CTNNA3: variants seen among roughly 807,000 people sequenced by gnomAD.
CTNNA3 encodes catenin alpha-3.
Under a neutral mutation model 95.7 loss-of-function variants are expected in CTNNA3, and 76 were observed. The ratio of observed to expected loss-of-function variants is 0.79; its 90% CI spans 0.66 to 0.96. The LOEUF is 0.96. Ranked by LOEUF, CTNNA3 falls within the 40% of genes least tolerant of loss-of-function variation. The pLI is 0.00. For synonymous variants in CTNNA3, 431 were observed against 374.4 expected (o/e 1.15, Z -1.74); for missense variants, 1,191 against 1,089.8 (o/e 1.09, Z -1.31).
At chr10:67,128,093 T>C (rs902512458) in intron 7 of CTNNA3, among the ~76,000 whole-genome samples, 1 of 152,128 alleles carries the variant, frequency 6.6e-6, no homozygotes, top group African/African-American at 2.4e-5. Flanking sequence ...ATCTAATTAA[T>C]GTTCAAGTTT....
At chr10:66,796,321 G>A (rs1238933212) in intron 7 of CTNNA3, among the ~76,000 whole-genome samples, 1 of 151,998 alleles carries the variant, frequency 6.6e-6, no homozygotes, top group Non-Finnish European at 1.5e-5. Flanking sequence ...CTGTGTCTCA[G>A]GGAACAGCAA....
intron 5 of CTNNA3, among the ~76,000 whole-genome samples, chr10:67,510,947 T>C (rs1298161235): frequency 6.6e-6 from 1 of 152,206 alleles, no homozygotes; most frequent in Non-Finnish European, 1.5e-5. Flanking sequence ...TTATTCTCTT[T>C]GTAGTAATTG....
intron 13 of CTNNA3, among the ~76,000 whole-genome samples, chr10:66,197,885 T>A (rs147621902): frequency 7.4e-4 from 113 of 152,080 alleles, no homozygotes; most frequent in African/African-American, 2.6e-3. Flanking sequence ...AAAATAAAAA[T>A]TTCAATTCAG....
At chr10:67,018,445 T>C (rs1440760490) in intron 7 of CTNNA3, among the ~76,000 whole-genome samples, 2 of 152,254 alleles carry the variant, frequency 1.3e-5, no homozygotes, top group Non-Finnish European at 2.9e-5. Context: ...ATTTCTAGTA[T>C]GTTACATGAT....
intron 3 of CTNNA3, among the ~76,000 whole-genome samples, chr10:67,555,469 C>T (rs1442216296): frequency 2.0e-5 from 3 of 152,188 alleles, no homozygotes; most frequent in African/African-American, 7.2e-5. Context: ...AGATCCTTCA[C>T]ATATCTTGTA....
intron 9 of CTNNA3, among the ~76,000 whole-genome samples, chr10:66,632,458 G>A (rs7086853): frequency 0.33 from 50,001 of 150,716 alleles, 8,572 homozygotes; most frequent in Middle Eastern, 0.49. Context: ...GGGAGGCCGA[G>A]GCAGGAGAAT....
At chr10:67,308,918 T>C (rs1840669293) in intron 5 of CTNNA3, among the ~76,000 whole-genome samples, 2 of 152,192 alleles carry the variant, frequency 1.3e-5, no homozygotes, top group African/African-American at 4.8e-5. Context: ...TAGTGAATTT[T>C]AATTCTCAAA....
At chr10:67,304,629 T>G (rs1259341168) in intron 5 of CTNNA3, among the ~76,000 whole-genome samples, 1 of 152,158 alleles carries the variant, frequency 6.6e-6, no homozygotes, top group African/African-American at 2.4e-5. Context: ...AAGGTGTATC[T>G]TTTGAGGTGT....
chr10:65,912,826 A>C lies in CTNNA3; in HGVS notation c.*7504T>G, dbSNP rs2076960287. ...ATTTCTGGATAAATATTTCATTTTTATTGATTGGCAAAAATACTTTAAGGA... is the reference window on the plus strand; with the variant it reads ...ATTTCTGGATAAATATTTCATTTTTCTTGATTGGCAAAAATACTTTAAGGA... On this transcript the variant is annotated 3_prime_UTR_variant, in exon 18 of 18. Transcript: ENST00000433211. 6.6e-6 allele frequency: 1 copy of C among 152,154 alleles called. No homozygotes were observed. Among genetic ancestry groups the C allele is most frequent in the Non-Finnish European group, 1.5e-5 (1 of 68,012 alleles). 9.4% of individuals were successfully genotyped at this position (152,154 alleles called of 1,614,324 possible).
chr10:67,237,807 T>C (rs1865560121), intron 5 of CTNNA3, among the ~76,000 whole-genome samples: 2 of 152,160 alleles, frequency 1.3e-5, no homozygotes, highest in Non-Finnish European at 2.9e-5. Flanking sequence ...CAGATGTGTA[T>C]TTACAAAGAT....
At chr10:66,845,724 A>ATAAATAAATAAATAAAT in intron 7 of CTNNA3, among the ~76,000 whole-genome samples, 1 of 120,248 alleles carries the variant, frequency 8.3e-6, no homozygotes, top group African/African-American at 3.2e-5. Context: ...AAAAAAAAAA[A>ATAAATAAATAAATAAAT]AAAAACTAAA....
At chr10:67,134,307 T>C (rs768985335) in intron 7 of CTNNA3, among the ~76,000 whole-genome samples, 3 of 152,060 alleles carry the variant, frequency 2.0e-5, no homozygotes, top group South Asian at 2.1e-4. Flanking sequence ...TCCATAATCA[T>C]TGAAAAATGT....
intron 3 of CTNNA3, among the ~76,000 whole-genome samples, chr10:67,585,097 C>A (rs895032354): frequency 1.3e-5 from 2 of 152,216 alleles, no homozygotes; most frequent in African/African-American, 4.8e-5. Context: ...TGAGACGAAC[C>A]TGGTACCTCA....
chr10:67,355,851 G>A (rs1368533377), intron 5 of CTNNA3, among the ~76,000 whole-genome samples: 1 of 151,868 alleles, frequency 6.6e-6, no homozygotes, highest in African/African-American at 2.4e-5. Context: ...TAGTACATAT[G>A]CATAATTCAT....
intron 12 of CTNNA3, among the ~76,000 whole-genome samples, chr10:66,366,449 A>T (rs139382537): frequency 3.6e-4 from 55 of 152,296 alleles, no homozygotes; most frequent in African/African-American, 1.3e-3. Flanking sequence ...TCGCCAATGC[A>T]ATAGTAGTAA....
intron 11 of CTNNA3, among the ~76,000 whole-genome samples, chr10:66,436,014 A>G (rs1040408973): frequency 6.6e-6 from 1 of 152,076 alleles, no homozygotes; most frequent in African/African-American, 2.4e-5. Flanking sequence ...CTGAGTTCTA[A>G]TTTGATTGCA....
Position 67,045,515 on chromosome 10 carries a change from C to T in CTNNA3, c.1047+134802G>A, listed in dbSNP as rs184674805. On this transcript the variant is annotated intron_variant, in intron 7 of 17. Transcript: ENST00000433211. ...TCGCGGCGAGGGAACTGTTCTGCTA[C>T]GTAGGAAACCCCGACCCAGAAGCAG... Among the ~76,000 whole-genome samples the T allele has an allele frequency of 6.9e-3, 1,054 of 152,220 alleles. 16 individuals are homozygous for T. Among genetic ancestry groups the T allele is most frequent in the African/African-American group, 0.024 (1,014 of 41,520 alleles).
intron 15 of CTNNA3, among the ~76,000 whole-genome samples, chr10:66,033,440 G>A (rs2079491686): frequency 6.6e-6 from 1 of 151,892 alleles, no homozygotes; most frequent in African/African-American, 2.4e-5. Context: ...CGGCATAATT[G>A]TTTGTTTAAT....
chr10:67,716,534 A>T (rs1013107243), intron 1 of CTNNA3, among the ~76,000 whole-genome samples: 2 of 151,950 alleles, frequency 1.3e-5, no homozygotes, highest in African/African-American at 4.8e-5. Context: ...ATGTATTCTC[A>T]TTGTTCAATT....
Sources: allele counts gnomAD v4.1 joint callset (sites outside exome capture counted in the v4.1 genomes callset), GRCh38; gene constraint gnomAD v4.1.1; transcripts MANE v1.5; gene names NCBI Gene and HGNC (gene_info 2026-07-23, HGNC 2026-07-21).